The following FLNB variants were observed in gnomAD, a reference collection of about 807,000 sequenced individuals.
FLNB encodes the protein filamin B.
Under a neutral mutation model 250.6 loss-of-function variants are expected in FLNB, and 111 were observed. The observed-to-expected ratio is 0.44, with a 90% CI of 0.38 to 0.52. The LOEUF (loss-of-function observed/expected upper bound fraction) is 0.52, where lower values mean the gene tolerates loss of function less well. FLNB is among the 20% of genes least tolerant of loss of function. FLNB has a pLI of 0.00. For synonymous variants in FLNB, 1,302 were observed against 1,372.1 expected (o/e 0.95, Z 1.13); for missense variants, 2,869 against 3,447.8 (o/e 0.83, Z 4.20).
intron 1 of FLNB, among the ~76,000 whole-genome samples, chr3:58,072,061 G>A (rs1234846827): frequency 6.6e-6 from 1 of 152,160 alleles, no homozygotes; most frequent in East Asian, 1.9e-4. Context: ...AGAATTTGCA[G>A]TAGCTCAAAT....
At chr3:58,104,724 T>C (rs752938467) in intron 10 of FLNB, among the ~76,000 whole-genome samples, 1 of 152,196 alleles carries the variant, frequency 6.6e-6, no homozygotes, top group African/African-American at 2.4e-5. Flanking sequence ...AACCAAGTTT[T>C]CTGGTTATAG....
At chr3:58,102,529 C>T (rs905152532) in intron 9 of FLNB, among the ~76,000 whole-genome samples, 189 bp downstream of exon 9, 5 of 152,200 alleles carry the variant, frequency 3.3e-5, no homozygotes, top group African/African-American at 1.2e-4. Flanking sequence ...TGGATGCGGC[C>T]AGTGGGTGGC....
chr3:58,098,800 G>A lies in FLNB; in HGVS notation c.1237G>A (p.Val413Met), dbSNP rs746116976. 9 of 1,614,062 alleles carry A rather than the reference G, an allele frequency of 5.6e-6. No homozygotes were observed. The highest frequency in any genetic ancestry group is 2.7e-5 in the African/African-American group (2 of 74,918). Residue 413 changes from valine (V) to methionine (M), a missense_variant, in exon 8 of 46, where the codon GTG becomes ATG. Transcript: ENST00000295956. The stretch of plus-strand genomic sequence containing the variant: ...GCTCGTGGAAGACAAAGGAAACCAG[G>A]TGTATCGATGTGTGTACAAACCCAT... ...ELLVEDKGNQ[V>M]YRCVYKPMQP... is the part of the protein sequence containing the mutation.
chr3:58,015,533 A>G (rs1297352940), intron 1 of FLNB, among the ~76,000 whole-genome samples: 1 of 152,210 alleles, frequency 6.6e-6, no homozygotes, highest in East Asian at 1.9e-4. Context: ...GTGCTAGGAC[A>G]ACAGGAATGA....
chr3:58,154,999 C>A, intron 40 of FLNB, 71 bp downstream of exon 40: 1 of 1,516,488 alleles, frequency 6.6e-7, no homozygotes, highest in Non-Finnish European at 9.1e-7. Flanking sequence ...GAACAGAAAT[C>A]CATCAAGTTT....
At chr3:58,033,150 A>G (rs181936176) in intron 1 of FLNB, among the ~76,000 whole-genome samples, 1 of 152,344 alleles carries the variant, frequency 6.6e-6, no homozygotes, top group East Asian at 1.9e-4. Context: ...CATTTTGATT[A>G]GCTTATACAC....
intron 43 of FLNB, among the ~76,000 whole-genome samples, chr3:58,166,355 C>T (rs2097370507): frequency 6.6e-6 from 1 of 151,780 alleles, no homozygotes; most frequent in Admixed American, 6.6e-5. Context: ...TTTGGAAGGC[C>T]AAGGCAGAAA....
intron 18 of FLNB, among the ~76,000 whole-genome samples, chr3:58,117,361 A>G (rs931727441): frequency 6.6e-5 from 10 of 152,220 alleles, no homozygotes; most frequent in African/African-American, 2.2e-4. Context: ...ACTGGTAACA[A>G]GAGCATACTT....
intron 1 of FLNB, among the ~76,000 whole-genome samples, chr3:58,069,413 G>A (rs1467733558): frequency 6.6e-6 from 1 of 151,678 alleles, no homozygotes; most frequent in Non-Finnish European, 1.5e-5. Flanking sequence ...GCTGATTTTT[G>A]TATTTTTAGT....
At chr3:58,132,665 G>A (rs1318330477) in intron 25 of FLNB, 143 bp from the exon 26 acceptor site, 1 of 1,010,832 alleles carries the variant, frequency 9.9e-7, no homozygotes, top group Non-Finnish European at 1.5e-6. Flanking sequence ...TCAGGCCTGT[G>A]ATTATGGTTG....
intron 8 of FLNB, among the ~76,000 whole-genome samples, chr3:58,100,142 C>CA (rs1348307590): frequency 1.3e-5 from 2 of 151,006 alleles, no homozygotes; most frequent in African/African-American, 2.4e-5. Context: ...AAAAAACAGG[C>CA]AAAAAAAATT....
rs4254629 is a variant in FLNB at position 58,131,648 on chromosome 3, T to G, written c.4390+740T>G. ...GGATTCACAGAAGTGGCAAATGGGGTTTTCCCTCTTTGAAGAGGAACCTTC... is the reference window on the plus strand; with the variant it reads ...GGATTCACAGAAGTGGCAAATGGGGGTTTCCCTCTTTGAAGAGGAACCTTC... On this transcript the variant is annotated intron_variant, in intron 25 of 45. Coordinates refer to ENST00000295956, the MANE Select transcript of FLNB (RefSeq NM_001457.4). Among the ~76,000 whole-genome samples the G allele has an allele frequency of 0.44, 67,212 of 152,082 alleles. 19,026 individuals carry two copies. Among genetic ancestry groups the G allele is most frequent in the East Asian group, 0.97 (5,037 of 5,178 alleles).
At chr3:58,130,981 G>A in intron 25 of FLNB, 73 bp downstream of exon 25, 2 of 1,460,964 alleles carry the variant, frequency 1.4e-6, no homozygotes, top group Admixed American at 2.1e-5. Context: ...CAGAGCAGAT[G>A]CTTTGCTTTT....
Position 58,169,760 on chromosome 3 carries a change from A to G in FLNB, c.7588A>G (p.Lys2530Glu). ...AGLSKAFVGQ[K>E]SSFLVDCSKA... ...GCTCTCAAAGGCCTTTGTGGGCCAGAAGAGTTCCTTCCTGGTGGACTGCAG... is the reference window on the plus strand; with the variant it reads ...GCTCTCAAAGGCCTTTGTGGGCCAGGAGAGTTCCTTCCTGGTGGACTGCAG... Residue 2530 changes from lysine (K) to glutamate (E), a missense_variant, in exon 45 of 46, where the codon AAG becomes GAG. Physicochemically the swap from Lys to Glu is moderately conservative, Grantham distance 56. Transcript: ENST00000295956. The surrounding 1 kb of genome is among the most constrained non-coding windows in gnomAD (Gnocchi z 4.8). 1 of 1,611,798 alleles carries G rather than the reference A, an allele frequency of 6.2e-7. No homozygotes were observed. The highest frequency in any genetic ancestry group is 8.5e-7 in the Non-Finnish European group (1 of 1,178,482).
At chr3:58,140,287 G>A (rs1180883901) in intron 29 of FLNB, among the ~76,000 whole-genome samples, 1 of 152,218 alleles carries the variant, frequency 6.6e-6, no homozygotes, top group Admixed American at 6.5e-5. Flanking sequence ...TGGAGTCATG[G>A]ACAAACAGCT....
intron 1 of FLNB, among the ~76,000 whole-genome samples, chr3:58,039,337 G>A (rs2097142819): frequency 6.7e-6 from 1 of 149,706 alleles, no homozygotes; most frequent in Non-Finnish European, 1.5e-5. Flanking sequence ...GTGTAGAAAA[G>A]TGATTCCAGT....
intron 32 of FLNB, among the ~76,000 whole-genome samples, chr3:58,145,310 A>G (rs1029696190): frequency 2.0e-5 from 3 of 152,136 alleles, no homozygotes; most frequent in Non-Finnish European, 4.4e-5. Flanking sequence ...TTTCTTTTTA[A>G]TGCATCATAT....
At chr3:58,017,543 G>A (rs1388761583) in intron 1 of FLNB, among the ~76,000 whole-genome samples, 2 of 152,144 alleles carry the variant, frequency 1.3e-5, no homozygotes, top group African/African-American at 2.4e-5. Flanking sequence ...GTGAGCCATC[G>A]CGCCTGGCCA....
intron 4 of FLNB, among the ~76,000 whole-genome samples, chr3:58,092,016 A>T (rs141938317): frequency 3.9e-5 from 6 of 152,380 alleles, no homozygotes; most frequent in Non-Finnish European, 7.3e-5. Context: ...ACATGTAGAA[A>T]GAACTCTCAA....
Sources: gnomAD v4.1 joint callset for allele counts (sites outside exome capture counted in the v4.1 genomes callset) on GRCh38, gnomAD v4.1.1 for gene constraint, Gnocchi (gnomAD v3.1) non-coding constraint, MANE v1.5 for transcripts, NCBI Gene and HGNC (gene_info 2026-07-23, HGNC 2026-07-21) for gene names.